The following PRKD2 variants were observed in gnomAD, a reference collection of about 807,000 sequenced individuals.
PRKD2 encodes protein kinase D2, also known as serine/threonine-protein kinase D2.
Under a neutral mutation model 86.0 loss-of-function variants are expected in PRKD2, and 22 were observed. The observed-to-expected ratio is 0.26, with a 90% confidence interval of 0.18 to 0.37. PRKD2 has a LOEUF of 0.37. Ranked by LOEUF, PRKD2 falls within the 10% of genes least tolerant of loss-of-function variation. PRKD2 has a pLI of 1.00. For missense variants in PRKD2, 818 were observed against 1,199.2 expected, an observed-to-expected ratio of 0.68 and a Z score of 4.70; for synonymous variants, 509 against 510.9, an observed-to-expected ratio of 1.00 and a Z score of 0.05.
intron 15 of PRKD2, among the ~76,000 whole-genome samples, chr19:46,680,946 A>ATATAT: frequency 6.2e-5 from 3 of 48,232 alleles, no homozygotes; most frequent in East Asian, 8.9e-4. Context: ...ATATATATAT[A>ATATAT]TTTTTTTTTT....
chr19:46,689,724 G>A, intron 13 of PRKD2, 26 bp from the exon 14 acceptor site: 1 of 1,613,136 alleles, frequency 6.2e-7, no homozygotes, highest in Non-Finnish European at 8.5e-7. Context: ...CGGGGTCAGG[G>A]CCCAGGTAAC....
chr19:46,704,589 G>C lies in PRKD2; in HGVS notation c.572C>G (p.Ala191Gly), dbSNP rs144404837. The change falls in exon 4 of 18, where the codon GCC becomes GGC. Residue 191 changes from alanine (A) to glycine (G), a missense_variant. Ala to Gly is a moderately conservative substitution (Grantham distance 60, BLOSUM62 0). Transcript: ENST00000291281. ...AFSIPNNCSG[A>G]RKRRLSSTSL... Reference sequence around the variant, plus strand: ...CGTGGATGACAGGCGCCGTTTGCGGGCCCCACTACAGTTGTTGGGGATGCT... The same window carrying C: ...CGTGGATGACAGGCGCCGTTTGCGGCCCCCACTACAGTTGTTGGGGATGCT... The C allele has an allele frequency of 6.2e-7, 1 of 1,613,994 alleles. No homozygotes were observed. Among genetic ancestry groups the C allele is most frequent in the Admixed American group, 1.7e-5 (1 of 59,978 alleles).
intron 10 of PRKD2, among the ~76,000 whole-genome samples, chr19:46,692,351 AC>A (rs2053495294): frequency 3.3e-5 from 5 of 151,990 alleles, no homozygotes. Flanking sequence ...GAAAGCCCAG[AC>A]TGACTCCTGC....
At chr19:46,714,982 G>C (rs2053864855) in intron 1 of PRKD2, among the ~76,000 whole-genome samples, 1 of 152,136 alleles carries the variant, frequency 6.6e-6, no homozygotes, top group Non-Finnish European at 1.5e-5. Context: ...TGGGGGAGCT[G>C]GCCCAGTTCC....
At chr19:46,709,205 A>C (rs969457954) in intron 3 of PRKD2, 4 of 156,030 alleles carry the variant, frequency 2.6e-5, no homozygotes, top group Admixed American at 2.0e-4. Context: ...CAATCTCTTG[A>C]CCTCATGATC....
chr19:46,709,471 C>G (rs1706189192), intron 3 of PRKD2: 1 of 152,958 alleles, frequency 6.5e-6, no homozygotes, highest in Non-Finnish European at 1.5e-5. Context: ...TCAAGAGATT[C>G]TCCTGACTGA....
chr19:46,688,317 A>G lies in PRKD2; in HGVS notation c.1971+1220T>C, dbSNP rs1054485901. On this transcript the variant is annotated intron_variant, in intron 14 of 17. Coordinates refer to ENST00000291281, the MANE Select transcript of PRKD2 (RefSeq NM_016457.5). ...CATGCCTGACTCCCCTTTTTTCTAG[A>G]TGAGTCAAGTCAGGTCCAGGGAGCC... is the stretch of plus-strand genomic sequence containing the variant. Among the ~76,000 whole-genome samples the G allele has an allele frequency of 1.8e-4, 27 of 151,866 alleles. No individual in the cohort carries two copies. In the East Asian group the frequency reaches 4.7e-3, roughly 26 times the overall value.
intron 7 of PRKD2, among the ~76,000 whole-genome samples, chr19:46,698,410 G>T (rs996752146): frequency 6.6e-6 from 1 of 152,188 alleles, no homozygotes; most frequent in Non-Finnish European, 1.5e-5. Context: ...AAGTCAGGCT[G>T]CCTAGCAAAT....
chr19:46,716,610 A>G lies in PRKD2; in HGVS notation c.-240T>C, dbSNP rs2053885006. Reference sequence around the variant, plus strand: ...GGCTCCCAGAAGATCAGAAAGGAGAAAAGTAGTGGGTTGGAGGTCCCAGCG... The same window carrying G: ...GGCTCCCAGAAGATCAGAAAGGAGAGAAGTAGTGGGTTGGAGGTCCCAGCG... On this transcript the variant is annotated 5_prime_UTR_variant, in exon 1 of 18. Transcript: ENST00000291281. This position sits in a 1 kb window ranked among gnomAD's most constrained non-coding sequence, Gnocchi z 7.9. 2.6e-6 allele frequency: 1 copy of G among 382,978 alleles called. No homozygotes were observed. The allele number at this position is 382,978 out of a possible 1,614,324, so 23.7% of individuals were successfully genotyped here. A position where few individuals can be genotyped will look rare whatever the true frequency, so the allele number is the denominator to read the frequency against.
Position 46,693,006 on chromosome 19 carries a change from T to C in PRKD2, c.1576+869A>G, listed in dbSNP as rs955191833. On this transcript the variant is annotated intron_variant, in intron 10 of 17. Transcript: ENST00000291281. This position sits in a 1 kb window ranked among gnomAD's most constrained non-coding sequence, Gnocchi z 4.5. ...TTATAAGCTCCAGAGGGTGGGAACCTGGTACTCTCTCAACATTTTTTGCCT... is the reference window on the plus strand; with the variant it reads ...TTATAAGCTCCAGAGGGTGGGAACCCGGTACTCTCTCAACATTTTTTGCCT... Among the ~76,000 whole-genome samples the C allele has an allele frequency of 5.3e-5, 8 of 152,198 alleles. No homozygotes were observed. The highest frequency in any genetic ancestry group is 4.6e-4 in the Admixed American group (7 of 15,274).
intron 2 of PRKD2, among the ~76,000 whole-genome samples, chr19:46,712,832 G>A (rs754964258): frequency 3.7e-4 from 56 of 152,160 alleles, no homozygotes; most frequent in Non-Finnish European, 1.3e-4. Context: ...GGTGCTGAGA[G>A]CATGCCCATC....
chr19:46,690,451 A>G, intron 13 of PRKD2, 149 bp downstream of exon 13: 1 of 667,420 alleles, frequency 1.5e-6, no homozygotes, highest in Non-Finnish European at 2.7e-6. Flanking sequence ...GTCTTTGTAC[A>G]GGCTGGTCCC....
chr19:46,683,441 G>A (rs1271477708), intron 14 of PRKD2, among the ~76,000 whole-genome samples: 1 of 152,122 alleles, frequency 6.6e-6, no homozygotes, highest in Admixed American at 6.6e-5. Flanking sequence ...AAAAACTTTG[G>A]CTGGGCATGG....
chr19:46,705,022 G>C (rs979645449), intron 3 of PRKD2, among the ~76,000 whole-genome samples: 1 of 146,078 alleles, frequency 6.8e-6, no homozygotes. Flanking sequence ...CCCTGAACAC[G>C]CCTCACACCC....
intron 16 of PRKD2, among the ~76,000 whole-genome samples, chr19:46,676,361 G>A (rs1264195500): frequency 6.6e-6 from 1 of 152,162 alleles, no homozygotes; most frequent in East Asian, 1.9e-4. Flanking sequence ...GGAGGCAGAG[G>A]TTGCAGTGAG....
In PRKD2 at chr19:46,713,942, G is replaced by T. The variant is rs1473734313; in HGVS notation, c.300C>A (p.Pro100=). 6.2e-7 allele frequency: 1 copy of T among 1,613,672 alleles called. No individual in the cohort carries two copies. The highest frequency in any genetic ancestry group is 1.7e-5 in the Admixed American group (1 of 60,012). ...CCAGCTGCAGGAGGTTGGCCGACGT[G>T]GGGTCATGTTTGAAAAGCAGGATCT... ...YDKILLFKHD[P]TSANLLQLVR... Residue 100 remains proline, a synonymous_variant, in exon 2 of 18, where the codon CCC becomes CCA. Transcript: ENST00000291281.
intron 2 of PRKD2, among the ~76,000 whole-genome samples, chr19:46,712,344 C>A (rs930427578): frequency 1.3e-5 from 2 of 151,930 alleles, no homozygotes; most frequent in Non-Finnish European, 2.9e-5. Context: ...AGTTCGAGAC[C>A]AGCCTGGCCA....
chr19:46,704,908 C>T (rs971593449), intron 3 of PRKD2, among the ~76,000 whole-genome samples: 12 of 147,948 alleles, frequency 8.1e-5, no homozygotes, highest in Admixed American at 2.0e-4. Flanking sequence ...AACACACCCA[C>T]ACCCCTTTTC....
chr19:46,692,321 A>C (rs1189627990), intron 10 of PRKD2, among the ~76,000 whole-genome samples: 1 of 152,116 alleles, frequency 6.6e-6, no homozygotes, highest in East Asian at 1.9e-4. Flanking sequence ...TGTACAGAGA[A>C]GGAAACTGAG....
Sources: gnomAD v4.1 joint callset for allele counts (sites outside exome capture counted in the v4.1 genomes callset) on GRCh38, gnomAD v4.1.1 for gene constraint, Gnocchi (gnomAD v3.1) non-coding constraint, MANE v1.5 for transcripts, NCBI Gene and HGNC (gene_info 2026-07-23, HGNC 2026-07-21) for gene names.